The following ZMAT4 variants were observed in gnomAD, a reference collection of about 807,000 sequenced individuals.
ZMAT4 encodes the protein zinc finger matrin-type protein 4.
A neutral mutation model predicts 28.7 loss-of-function variants in ZMAT4; 17 were observed. The observed-to-expected ratio is 0.59, with a 90% CI of 0.41 to 0.89. The LOEUF (loss-of-function observed/expected upper bound fraction) is 0.89. Among genes scored for constraint, ZMAT4 ranks in the 40% least tolerant of loss-of-function variants. The pLI is 0.00. For missense variants in ZMAT4, 240 were observed against 283.8 expected, an observed-to-expected ratio of 0.85 and a Z score of 1.11; for synonymous variants, 117 against 109.2, an observed-to-expected ratio of 1.07 and a Z score of -0.44.
At chr8:40,885,343 A>G (rs1054319139) in intron 1 of ZMAT4, among the ~76,000 whole-genome samples, 1 of 151,812 alleles carries the variant, frequency 6.6e-6, no homozygotes, top group Non-Finnish European at 1.5e-5. Context: ...TCTCCCTTCA[A>G]AGTACATCCA....
At chr8:40,787,130 T>G (rs12678220) in intron 2 of ZMAT4, among the ~76,000 whole-genome samples, 19,652 of 152,206 alleles carry the variant, frequency 0.13, 1,823 homozygotes, top group East Asian at 0.37. Flanking sequence ...TATGGAGACT[T>G]TGAAATGCCA....
intron 5 of ZMAT4, among the ~76,000 whole-genome samples, chr8:40,621,203 A>T (rs1806186205): frequency 6.6e-6 from 1 of 152,322 alleles, no homozygotes; most frequent in East Asian, 1.9e-4. Context: ...AGTGCCAGAC[A>T]CAGTGCTGAT....
At chr8:40,565,867 A>G (rs1304656021) in intron 6 of ZMAT4, among the ~76,000 whole-genome samples, 1 of 148,494 alleles carries the variant, frequency 6.7e-6, no homozygotes, top group Non-Finnish European at 1.5e-5. Flanking sequence ...CCAACACCAC[A>G]CTCCTGACAG....
chr8:40,791,695 A>T (rs1411715049), intron 2 of ZMAT4, among the ~76,000 whole-genome samples: 1 of 152,220 alleles, frequency 6.6e-6, no homozygotes, highest in Non-Finnish European at 1.5e-5. Flanking sequence ...TTTTTTAAAT[A>T]ATAGCTATTG....
intron 4 of ZMAT4, among the ~76,000 whole-genome samples, chr8:40,694,431 G>A (rs1442307501): frequency 6.6e-6 from 1 of 152,136 alleles, no homozygotes; most frequent in African/African-American, 2.4e-5. Flanking sequence ...AAATGGTGGT[G>A]TCCTGCCATG....
intron 5 of ZMAT4, among the ~76,000 whole-genome samples, chr8:40,581,718 T>C (rs1804469486): frequency 6.6e-6 from 1 of 152,220 alleles, no homozygotes; most frequent in African/African-American, 2.4e-5. Context: ...CTTCTAGGAT[T>C]ATTTTATAAA....
At chr8:40,556,394 G>A (rs1803535149) in intron 6 of ZMAT4, among the ~76,000 whole-genome samples, 1 of 152,114 alleles carries the variant, frequency 6.6e-6, no homozygotes, top group African/African-American at 2.4e-5. Context: ...CTTTATTGGA[G>A]TGATACCTCC....
At chr8:40,739,223 A>G (rs757131316) in intron 3 of ZMAT4, among the ~76,000 whole-genome samples, 1 of 152,202 alleles carries the variant, frequency 6.6e-6, no homozygotes, top group South Asian at 2.1e-4. Flanking sequence ...TCACATGGGC[A>G]AAAGAATACC....
chr8:40,660,056 C>T (rs2118850639), intron 5 of ZMAT4, among the ~76,000 whole-genome samples: 1 of 152,302 alleles, frequency 6.6e-6, no homozygotes, highest in East Asian at 1.9e-4. Flanking sequence ...GCTGTGCTAC[C>T]ATGCCACTGG....
At chr8:40,762,049 C>A (rs758723953) in intron 3 of ZMAT4, among the ~76,000 whole-genome samples, 5 of 152,152 alleles carry the variant, frequency 3.3e-5, no homozygotes, top group African/African-American at 1.2e-4. Flanking sequence ...TGTTGGTAAA[C>A]GCATCTGTCT....
chr8:40,583,752 T>C (rs1804571047), intron 5 of ZMAT4, among the ~76,000 whole-genome samples: 1 of 152,080 alleles, frequency 6.6e-6, no homozygotes, highest in African/African-American at 2.4e-5. Flanking sequence ...AGATGTACCT[T>C]GTTTGGTTTG....
chr8:40,557,493 T>C (rs1046116402), intron 6 of ZMAT4, among the ~76,000 whole-genome samples: 1 of 152,176 alleles, frequency 6.6e-6, no homozygotes, highest in African/African-American at 2.4e-5. Flanking sequence ...AACATATAAA[T>C]CAGCCTTTAC....
intron 5 of ZMAT4, among the ~76,000 whole-genome samples, chr8:40,615,879 G>A (rs1181967871): frequency 6.6e-6 from 1 of 152,042 alleles, no homozygotes; most frequent in Non-Finnish European, 1.5e-5. Context: ...AGCTAAAATT[G>A]ACAAATGGGA....
intron 3 of ZMAT4, among the ~76,000 whole-genome samples, chr8:40,714,179 T>C (rs1018870231): frequency 7.2e-5 from 11 of 152,144 alleles, no homozygotes; most frequent in African/African-American, 2.7e-4. Context: ...GATTTGAGAA[T>C]GTGGATCAAA....
intron 5 of ZMAT4, among the ~76,000 whole-genome samples, chr8:40,585,097 T>C (rs1804624059): frequency 6.6e-6 from 1 of 152,160 alleles, no homozygotes. Context: ...CTTTGAAATG[T>C]ATATAGTAAG....
chr8:40,660,488 A>G (rs955367725), intron 5 of ZMAT4, among the ~76,000 whole-genome samples: 1 of 152,214 alleles, frequency 6.6e-6, no homozygotes, highest in Non-Finnish European at 1.5e-5. Context: ...TACTGGGTAT[A>G]GTGCCCGTTA....
At chr8:40,765,760 T>G (rs1813133900) in intron 3 of ZMAT4, among the ~76,000 whole-genome samples, 1 of 152,174 alleles carries the variant, frequency 6.6e-6, no homozygotes. Context: ...CTAGCTTGAG[T>G]GCAGTCATCT....
At chr8:40,629,573 C>T (rs1585782581) in intron 5 of ZMAT4, among the ~76,000 whole-genome samples, 1 of 135,804 alleles carries the variant, frequency 7.4e-6, no homozygotes, top group Non-Finnish European at 1.6e-5. Flanking sequence ...CACCCCACAA[C>T]AGGCCCCGGT....
chr8:40,538,621 T>TC (rs762288415), intron 6 of ZMAT4, among the ~76,000 whole-genome samples: 1 of 152,166 alleles, frequency 6.6e-6, no homozygotes, highest in African/African-American at 2.4e-5. Context: ...TCAGTACCCC[T>TC]CTTCTATTCA....
Sources: gnomAD v4.1 joint callset for allele counts (sites outside exome capture counted in the v4.1 genomes callset) on GRCh38, gnomAD v4.1.1 for gene constraint, MANE v1.5 for transcripts, NCBI Gene and HGNC (gene_info 2026-07-23, HGNC 2026-07-21) for gene names.